Variants in KCNMA1 observed in about 807,000 individuals in gnomAD.
KCNMA1 encodes potassium calcium-activated channel subfamily M alpha 1.
In KCNMA1, 29 loss-of-function variants were observed where a neutral mutation model predicts 140.0. That is an observed-to-expected ratio of 0.21 (90% CI 0.15 to 0.28). The LOEUF (loss-of-function observed/expected upper bound fraction) is 0.28. Ranked by LOEUF, KCNMA1 falls within the 10% of genes least tolerant of loss-of-function variation. The probability of loss-of-function intolerance (pLI) is 1.00; values close to 1 mark genes in which losing one functional copy is unlikely to be tolerated. For synonymous variants in KCNMA1, 612 were observed against 611.9 expected (o/e 1.00, Z 0.00); for missense variants, 880 against 1,602.2 (o/e 0.55, Z 7.70).
chr10:77,616,455 C>T (rs1403673401), intron 1 of KCNMA1, among the ~76,000 whole-genome samples: 3 of 152,216 alleles, frequency 2.0e-5, no homozygotes, highest in African/African-American at 4.8e-5. Context: ...ACATGATCCT[C>T]CCAACAACCC....
At position 76,885,243 on chromosome 10, in the gene KCNMA1, A is replaced by G; in HGVS notation, c.*2023T>C. On this transcript the variant is annotated 3_prime_UTR_variant, in exon 28 of 28. Coordinates refer to ENST00000286628, the MANE Select transcript of KCNMA1 (RefSeq NM_001161352.2). ...TATATATATATAATTATATAGTTAT[A>G]TATATATAATTATATATAGTTTATA... 1 of 493,590 alleles carries G rather than the reference A, an allele frequency of 2.0e-6. No individual in the cohort carries two copies. Among genetic ancestry groups the G allele is most frequent in the Non-Finnish European group, 2.6e-6 (1 of 381,356 alleles). 30.6% of individuals were successfully genotyped at this position (493,590 alleles called of 1,614,324 possible).
intron 1 of KCNMA1, among the ~76,000 whole-genome samples, chr10:77,460,885 C>A (rs994419031): frequency 1.3e-5 from 2 of 152,118 alleles, no homozygotes; most frequent in African/African-American, 4.8e-5. Flanking sequence ...GTGGGCGGAT[C>A]ACCTGAGGTC....
At chr10:77,599,006 C>G (rs1219188315) in intron 1 of KCNMA1, among the ~76,000 whole-genome samples, 1 of 152,216 alleles carries the variant, frequency 6.6e-6, no homozygotes, top group Non-Finnish European at 1.5e-5. Context: ...GGGGCCAGGC[C>G]CCAGCTCAGC....
intron 1 of KCNMA1, among the ~76,000 whole-genome samples, chr10:77,507,235 G>A (rs756881001): frequency 4.6e-5 from 7 of 152,192 alleles, no homozygotes; most frequent in Non-Finnish European, 4.4e-5. Context: ...GAGGACTCTT[G>A]CAACTTCGTT....
At chr10:77,205,713 T>G (rs1422885399) in intron 3 of KCNMA1, among the ~76,000 whole-genome samples, 1 of 152,200 alleles carries the variant, frequency 6.6e-6, no homozygotes, top group East Asian at 1.9e-4. Flanking sequence ...TAACATTAAC[T>G]TTCCTTTGAA....
chr10:77,067,215 T>A (rs947792450), intron 14 of KCNMA1, among the ~76,000 whole-genome samples: 3 of 152,158 alleles, frequency 2.0e-5, no homozygotes, highest in African/African-American at 7.2e-5. Flanking sequence ...GTGGGCTTCA[T>A]CTAACCCACT....
intron 23 of KCNMA1, among the ~76,000 whole-genome samples, chr10:76,917,365 G>C (rs567872231): frequency 6.6e-6 from 1 of 152,274 alleles, no homozygotes; most frequent in African/African-American, 2.4e-5. Flanking sequence ...GAGAAATGCA[G>C]GTCACACGGT....
intron 5 of KCNMA1, among the ~76,000 whole-genome samples, chr10:77,146,824 C>A (rs2098310446): frequency 6.6e-6 from 1 of 150,850 alleles, no homozygotes; most frequent in Non-Finnish European, 1.5e-5. Context: ...GCCTTTCACA[C>A]AGAATATGCT....
intron 2 of KCNMA1, among the ~76,000 whole-genome samples, chr10:77,385,025 T>C (rs187148710): frequency 2.0e-5 from 3 of 152,288 alleles, no homozygotes; most frequent in East Asian, 1.9e-4. Context: ...TTCTCACCTG[T>C]AACATGGGGA....
intron 9 of KCNMA1, among the ~76,000 whole-genome samples, chr10:77,095,671 G>A (rs2096914057): frequency 6.6e-6 from 1 of 152,192 alleles, no homozygotes; most frequent in African/African-American, 2.4e-5. Flanking sequence ...ATACATGGGT[G>A]TGCTTCTCCT....
intron 3 of KCNMA1, among the ~76,000 whole-genome samples, chr10:77,240,440 G>A (rs756066441): frequency 1.3e-5 from 2 of 152,126 alleles, no homozygotes; most frequent in Non-Finnish European, 2.9e-5. Context: ...AGAGAGAAGG[G>A]GTCCTTTTTG....
rs1293782832 is a variant in KCNMA1, at chr10:77,202,736, G to A, written c.603-17820C>T. Reference sequence around the variant, plus strand: ...GTTTTGGAGTATAGGAGTATTTACAGCACCCTCAAACTCACCCAAGGATGG... The same window carrying A: ...GTTTTGGAGTATAGGAGTATTTACAACACCCTCAAACTCACCCAAGGATGG... On this transcript the variant is annotated intron_variant, in intron 3 of 27. Transcript: ENST00000286628. 2.0e-5 allele frequency among the ~76,000 whole-genome samples: 3 copies of A among 152,262 alleles called. No individual in the cohort carries two copies. The South Asian group carries it at 6.2e-4, about 32-fold the overall frequency.
At chr10:77,375,602 C>T (rs1207853966) in intron 2 of KCNMA1, among the ~76,000 whole-genome samples, 1 of 152,224 alleles carries the variant, frequency 6.6e-6, no homozygotes, top group Non-Finnish European at 1.5e-5. Flanking sequence ...CCAACTTGAT[C>T]TGCCATGTTT....
At chr10:77,517,030 G>A (rs527806480) in intron 1 of KCNMA1, among the ~76,000 whole-genome samples, 6 of 151,878 alleles carry the variant, frequency 4.0e-5, no homozygotes, top group East Asian at 1.9e-4. Flanking sequence ...AGGGGAAGCC[G>A]GCCTGCATAC....
chr10:77,543,729 G>T lies in KCNMA1; in HGVS notation c.378+93536C>A, dbSNP rs377570414. 9.2e-5 allele frequency among the ~76,000 whole-genome samples: 14 copies of T among 152,190 alleles called. No individual in the cohort carries two copies. The East Asian group carries it at 1.4e-3, about 15-fold the overall frequency. On this transcript the variant is annotated intron_variant, in intron 1 of 27. Coordinates refer to ENST00000286628, the MANE Select transcript of KCNMA1 (RefSeq NM_001161352.2). ...AACTGGAAATTGAATTCCTACGTAG[G>T]GGACATGCTTGAGACTAAACAACTC...
intron 2 of KCNMA1, among the ~76,000 whole-genome samples, chr10:77,349,702 T>C (rs948701594): frequency 1.3e-5 from 2 of 152,200 alleles, no homozygotes; most frequent in African/African-American, 4.8e-5. Context: ...TTTGGTTTCT[T>C]TGATTTCAAG....
At chr10:77,260,030 A>G (rs1339825774) in intron 2 of KCNMA1, among the ~76,000 whole-genome samples, 1 of 152,218 alleles carries the variant, frequency 6.6e-6, no homozygotes, top group Non-Finnish European at 1.5e-5. Context: ...AACATGGATT[A>G]CCCTCACTGA....
chr10:76,987,735 T>C (rs996435643), intron 19 of KCNMA1, among the ~76,000 whole-genome samples: 2 of 152,168 alleles, frequency 1.3e-5, no homozygotes, highest in African/African-American at 4.8e-5. Context: ...AAGACGCTTC[T>C]AGAGAATTGT....
intron 1 of KCNMA1, among the ~76,000 whole-genome samples, chr10:77,545,075 T>C (rs1466178146): frequency 1.3e-5 from 2 of 152,204 alleles, no homozygotes; most frequent in African/African-American, 4.8e-5. Flanking sequence ...TTAGTTTAAA[T>C]GGAATCATGA....
Sources: gnomAD v4.1 joint callset for allele counts (sites outside exome capture counted in the v4.1 genomes callset) on GRCh38, gnomAD v4.1.1 for gene constraint, MANE v1.5 for transcripts, NCBI Gene and HGNC (gene_info 2026-07-23, HGNC 2026-07-21) for gene names.